GOSR1: variants seen among roughly 807,000 people sequenced by gnomAD.
GOSR1 encodes 28 kDa Golgi SNARE protein.
GOSR1 carries 21 observed loss-of-function variants against 35.5 expected under a neutral mutation model. The observed-to-expected ratio is 0.59, with a 90% CI of 0.42 to 0.85. GOSR1 has a LOEUF of 0.85. GOSR1 is among the 40% of genes least tolerant of loss of function. The probability of loss-of-function intolerance (pLI) is 0.00; values close to 1 mark genes in which losing one functional copy is unlikely to be tolerated. For synonymous variants in GOSR1, 94 were observed against 106.6 expected, an observed-to-expected ratio of 0.88 and a Z score of 0.73; for missense variants, 285 against 309.6, an observed-to-expected ratio of 0.92 and a Z score of 0.60.
At chr17:30,509,660 T>C (rs1383032247) in intron 6 of GOSR1, among the ~76,000 whole-genome samples, 1 of 152,224 alleles carries the variant, frequency 6.6e-6, no homozygotes, top group Non-Finnish European at 1.5e-5. Flanking sequence ...TTCCAAACTT[T>C]ACCTATTCAT....
intron 6 of GOSR1, among the ~76,000 whole-genome samples, chr17:30,500,022 G>T (rs1232626088): frequency 6.6e-6 from 1 of 152,122 alleles, no homozygotes; most frequent in Admixed American, 6.5e-5. Context: ...TTTGCCTTTT[G>T]TTGTGGGCTT....
intron 6 of GOSR1, among the ~76,000 whole-genome samples, chr17:30,495,025 T>C (rs1487388221): frequency 6.6e-6 from 1 of 151,210 alleles, no homozygotes; most frequent in Non-Finnish European, 1.5e-5. Context: ...CCATCTCTAC[T>C]AAAAATACAA....
intron 5 of GOSR1, 95 bp from the exon 6 acceptor site, chr17:30,492,584 G>A (rs1915114000): frequency 1.4e-6 from 1 of 703,332 alleles, no homozygotes; most frequent in Non-Finnish European, 2.5e-6. Context: ...ACTCTGGAGA[G>A]GCTCAATTTT....
At chr17:30,518,727 G>A (rs1313385726) in intron 7 of GOSR1, among the ~76,000 whole-genome samples, 2 of 151,988 alleles carry the variant, frequency 1.3e-5, no homozygotes, top group African/African-American at 4.8e-5. Context: ...CCAGGAGTTT[G>A]AGACCAGCCT....
intron 2 of GOSR1, among the ~76,000 whole-genome samples, chr17:30,482,489 C>T (rs1405546830): frequency 1.3e-5 from 2 of 152,132 alleles, no homozygotes; most frequent in African/African-American, 4.8e-5. Flanking sequence ...TTGCTGGTAG[C>T]AGAGTTGTTG....
At chr17:30,511,516 A>G (rs1457956106) in intron 7 of GOSR1, among the ~76,000 whole-genome samples, 5 of 144,978 alleles carry the variant, frequency 3.4e-5, no homozygotes, top group African/African-American at 5.3e-5. Flanking sequence ...AGTACATGAC[A>G]ATAACAAACA....
At chr17:30,486,336 G>A (rs1486019212) in intron 4 of GOSR1, among the ~76,000 whole-genome samples, 1 of 151,986 alleles carries the variant, frequency 6.6e-6, no homozygotes, top group East Asian at 1.9e-4. Context: ...GGCCAGCAGG[G>A]TGAAACCCCT....
At chr17:30,515,260 T>C (rs1487680372) in intron 7 of GOSR1, among the ~76,000 whole-genome samples, 2 of 151,918 alleles carry the variant, frequency 1.3e-5, no homozygotes, top group African/African-American at 4.8e-5. Context: ...TCTGAATAGC[T>C]GGTACTACTG....
At chr17:30,516,776 C>T (rs868267003) in intron 7 of GOSR1, among the ~76,000 whole-genome samples, 3 of 152,164 alleles carry the variant, frequency 2.0e-5, no homozygotes, top group Admixed American at 6.5e-5. Context: ...TGCAGTGGCG[C>T]GATCTCAGCT....
At chr17:30,499,562 T>C (rs550979621) in intron 6 of GOSR1, among the ~76,000 whole-genome samples, 99 of 152,216 alleles carry the variant, frequency 6.5e-4, no homozygotes, top group African/African-American at 1.5e-3. Context: ...AGGATGGTCT[T>C]GATCTCCTGA....
chr17:30,481,280 T>C (rs369339373), intron 2 of GOSR1, 23 bp downstream of exon 2: 1 of 1,574,968 alleles, frequency 6.3e-7, no homozygotes. Context: ...CCAGATTCTG[T>C]CTCCTATGCC....
In GOSR1 at chr17:30,484,289, A is replaced by G; in HGVS notation, c.222A>G (p.Gln74=). 1 of 1,605,814 alleles carries G rather than the reference A, an allele frequency of 6.2e-7. No individual in the cohort carries two copies. Among genetic ancestry groups the G allele is most frequent in the Non-Finnish European group, 8.5e-7 (1 of 1,172,480 alleles). The stretch of plus-strand genomic sequence containing the variant: ...AGACAATGGCGATTGAGATTGAACA[A>G]CTTTTGGCAAGGGTAAGTGCTTTCT... ...MFETMAIEIE[Q]LLARLTGVND... The change falls in exon 3 of 9, where the codon CAA becomes CAG. Residue 74 remains glutamine (Q), a synonymous_variant. Transcript: ENST00000451249.
chr17:30,522,593 TAAA>T lies in GOSR1; in HGVS notation c.*229_*231del, dbSNP rs34897756. On this transcript the variant is annotated 3_prime_UTR_variant, in exon 9 of 9. Coordinates refer to ENST00000451249, the MANE Select transcript of GOSR1 (RefSeq NM_001007025.2). ...TCTAACACATTTTTCTGTTTTTAAT[TAAA>T]AAAAAAAAAAAAAGGTTTTCAGTTG... 434 of 250,932 alleles carry T rather than the reference TAAA, an allele frequency of 1.7e-3. No homozygotes were observed. Among genetic ancestry groups the T allele is most frequent in the Non-Finnish European group, 2.2e-3 (305 of 138,606 alleles). 15.5% of individuals were successfully genotyped at this position (250,932 alleles called of 1,614,324 possible).
chr17:30,512,469 C>G (rs1235049208), intron 7 of GOSR1, among the ~76,000 whole-genome samples: 1 of 152,134 alleles, frequency 6.6e-6, no homozygotes, highest in Non-Finnish European at 1.5e-5. Context: ...TTTCAGTGTT[C>G]GTTTCCTAAA....
chr17:30,483,255 C>A (rs1914467327), intron 2 of GOSR1, among the ~76,000 whole-genome samples: 1 of 151,776 alleles, frequency 6.6e-6, no homozygotes, highest in Admixed American at 6.6e-5. Flanking sequence ...TGGCCATTTC[C>A]CTTTACTCTT....
At position 30,481,207 on chromosome 17, in the gene GOSR1, A is replaced by G. The variant is rs760628545; in HGVS notation, c.96A>G (p.Lys32=). Reference sequence around the variant, plus strand: ...ACCTGAAACTAGTTTCCTTCAGCAAACTATGTACAAGTTACAGTCATAGCA... The same window carrying G: ...ACCTGAAACTAGTTTCCTTCAGCAAGCTATGTACAAGTTACAGTCATAGCA... The part of the protein sequence containing the change: ...ELDLKLVSFS[K]LCTSYSHSST... Residue 32 remains lysine, a synonymous_variant, in exon 2 of 9, where the codon AAA becomes AAG. Coordinates refer to ENST00000451249, the MANE Select transcript of GOSR1 (RefSeq NM_001007025.2). The G allele has an allele frequency of 1.0e-5, 16 of 1,605,194 alleles. No homozygotes were observed. The highest frequency in any genetic ancestry group is 1.3e-5 in the African/African-American group (1 of 74,764).
intron 7 of GOSR1, among the ~76,000 whole-genome samples, chr17:30,518,124 G>T (rs1967890063): frequency 1.3e-5 from 2 of 152,282 alleles, no homozygotes; most frequent in Admixed American, 6.5e-5. Flanking sequence ...CAACCCCTGT[G>T]TATGCAGATC....
rs1490163205 is a variant in GOSR1, at chr17:30,490,065, G to A, written c.343-61G>A. ...ACAGTGTGATGACGATACATAACTG[G>A]TTCAGTGAGATGAAAATCCATAATT... On this transcript the variant is annotated intron_variant, in intron 4 of 8. Coordinates refer to ENST00000451249, the MANE Select transcript of GOSR1 (RefSeq NM_001007025.2). The A allele has an allele frequency of 1.4e-5, 11 of 789,336 alleles. No individual in the cohort carries two copies. In the East Asian group the frequency reaches 2.0e-4, roughly 14 times the overall value. 48.9% of individuals were successfully genotyped at this position (789,336 alleles called of 1,614,324 possible).
At chr17:30,505,191 T>C (rs1967354870) in intron 6 of GOSR1, among the ~76,000 whole-genome samples, 1 of 152,220 alleles carries the variant, frequency 6.6e-6, no homozygotes, top group Non-Finnish European at 1.5e-5. Flanking sequence ...TTTATAAATG[T>C]TTAACTTTTT....
Sources: gnomAD v4.1 joint callset for allele counts (sites outside exome capture counted in the v4.1 genomes callset) on GRCh38, gnomAD v4.1.1 for gene constraint, MANE v1.5 for transcripts, NCBI Gene and HGNC (gene_info 2026-07-23, HGNC 2026-07-21) for gene names.